The following CDH4 variants were observed in gnomAD, a reference collection of about 807,000 sequenced individuals.
CDH4 encodes cadherin 4, also known as cadherin-4.
Under a neutral mutation model 86.0 loss-of-function variants are expected in CDH4, and 33 were observed. That is an observed-to-expected ratio of 0.38 (90% confidence interval 0.29 to 0.51). CDH4 has a LOEUF of 0.51. Among genes scored for constraint, CDH4 ranks in the 20% least tolerant of loss-of-function variants. The pLI, the probability that CDH4 is intolerant of heterozygous loss-of-function variation, is 0.86. For synonymous variants in CDH4, 555 were observed against 549.4 expected, an observed-to-expected ratio of 1.01 and a Z score of -0.14; for missense variants, 1,114 against 1,307.4, an observed-to-expected ratio of 0.85 and a Z score of 2.28.
chr20:61,448,057 A>G (rs539417022), intron 2 of CDH4, among the ~76,000 whole-genome samples: 5 of 152,160 alleles, frequency 3.3e-5, no homozygotes, highest in Non-Finnish European at 5.9e-5. Flanking sequence ...TTCTATGCTG[A>G]TTTCCATACC....
Position 61,934,104 on chromosome 20 carries a change from C to T in CDH4, c.2428C>T (p.Pro810Ser). Reference protein sequence around the residue: ...LQQPEAMGHVPSKAPGVRRVD... With the variant: ...LQQPEAMGHVSSKAPGVRRVD... ...GCAGCCGGAAGCCATGGGGCACGTGCCAAGCAAAGCCCCTGGCGTGCGTCG... is the reference window on the plus strand; with the variant it reads ...GCAGCCGGAAGCCATGGGGCACGTGTCAAGCAAAGCCCCTGGCGTGCGTCG... The change falls in exon 15 of 16, where the codon CCA becomes TCA. Residue 810 changes from proline (P) to serine (S), a missense_variant. Transcript: ENST00000614565. 1.2e-6 allele frequency: 2 copies of T among 1,611,484 alleles called. No individual in the cohort carries two copies. The highest frequency in any genetic ancestry group is 1.7e-6 in the Non-Finnish European group (2 of 1,179,820).
At chr20:61,682,305 G>A (rs2087524137) in intron 2 of CDH4, among the ~76,000 whole-genome samples, 1 of 151,520 alleles carries the variant, frequency 6.6e-6, no homozygotes, top group Admixed American at 6.6e-5. Flanking sequence ...TGGACAAAGG[G>A]ACAGATGGAA....
At chr20:61,365,007 A>G (rs1229479040) in intron 2 of CDH4, among the ~76,000 whole-genome samples, 1 of 152,226 alleles carries the variant, frequency 6.6e-6, no homozygotes, top group Non-Finnish European at 1.5e-5. Flanking sequence ...CCACTGCCCT[A>G]GACCACATGT....
intron 2 of CDH4, among the ~76,000 whole-genome samples, chr20:61,621,699 T>C (rs2086779492): frequency 6.6e-6 from 1 of 152,258 alleles, no homozygotes; most frequent in African/African-American, 2.4e-5. Flanking sequence ...GGCTAGTTTA[T>C]AGTTCAAGGT....
At chr20:61,702,796 G>A (rs1267744633) in intron 2 of CDH4, among the ~76,000 whole-genome samples, 2 of 152,184 alleles carry the variant, frequency 1.3e-5, no homozygotes, top group African/African-American at 4.8e-5. Context: ...TTTTTCCAAA[G>A]TACTTTGAAG....
At chr20:61,368,552 T>A (rs1194596391) in intron 2 of CDH4, among the ~76,000 whole-genome samples, 1 of 152,164 alleles carries the variant, frequency 6.6e-6, no homozygotes, top group African/African-American at 2.4e-5. Flanking sequence ...GGTAATTTTT[T>A]TTTTTTTGAG....
intron 2 of CDH4, among the ~76,000 whole-genome samples, chr20:61,268,794 G>A (rs2084169461): frequency 6.6e-6 from 1 of 152,190 alleles, no homozygotes; most frequent in South Asian, 2.1e-4. Context: ...CTCCCCAGAA[G>A]CAGATGCCAG....
intron 2 of CDH4, among the ~76,000 whole-genome samples, chr20:61,350,513 G>C: frequency 8.6e-6 from 1 of 116,262 alleles, no homozygotes; most frequent in Non-Finnish European, 1.7e-5. Context: ...CCCCAGTGCT[G>C]CAGAGGCCAG....
rs751297571 is a variant in CDH4 at position 61,928,365 on chromosome 20, C to T, written c.1947C>T (p.Phe649=). 7.6e-5 allele frequency: 122 copies of T among 1,611,778 alleles called. No homozygotes were observed. Among genetic ancestry groups the T allele is most frequent in the Non-Finnish European group, 9.0e-5 (106 of 1,180,000 alleles). ...DVDPNIGPYV[F]ELPFVPAAVR... ...ACCCCAACATCGGCCCCTACGTCTT[C>T]GAGCTGCCCTTTGTCCCGGCGGCCG... The change falls in exon 12 of 16, where the codon TTC becomes TTT. Residue 649 remains phenylalanine (F), a synonymous_variant. Transcript: ENST00000614565.
chr20:61,463,878 A>G (rs1398093497), intron 2 of CDH4, among the ~76,000 whole-genome samples: 1 of 152,290 alleles, frequency 6.6e-6, no homozygotes, highest in East Asian at 1.9e-4. Flanking sequence ...GGGATCAGGG[A>G]GGTCAGGGGC....
chr20:61,303,182 G>A (rs1485360556), intron 2 of CDH4, among the ~76,000 whole-genome samples: 2 of 152,228 alleles, frequency 1.3e-5, no homozygotes, highest in African/African-American at 2.4e-5. Context: ...CCCTTCCTAT[G>A]CCTGTTCTCT....
At chr20:61,808,753 G>A (rs999087886) in intron 4 of CDH4, among the ~76,000 whole-genome samples, 21 of 152,228 alleles carry the variant, frequency 1.4e-4, no homozygotes, top group African/African-American at 4.3e-4. Flanking sequence ...CAGTCCAGGC[G>A]CTGGCCAAGG....
At chr20:61,512,195 T>C (rs1472902488) in intron 2 of CDH4, among the ~76,000 whole-genome samples, 2 of 152,058 alleles carry the variant, frequency 1.3e-5, no homozygotes, top group African/African-American at 4.8e-5. Context: ...GGTCCATGGA[T>C]CCTGAACGCT....
At chr20:61,841,274 C>T (rs1450519798) in intron 4 of CDH4, among the ~76,000 whole-genome samples, 3 of 152,214 alleles carry the variant, frequency 2.0e-5, no homozygotes, top group South Asian at 2.1e-4. Context: ...CGCTCCCGGA[C>T]GGCGGGGCTG....
chr20:61,600,415 C>T (rs2086590926), intron 2 of CDH4, among the ~76,000 whole-genome samples: 1 of 152,200 alleles, frequency 6.6e-6, no homozygotes, highest in African/African-American at 2.4e-5. Flanking sequence ...CAGGGTCCTT[C>T]GGGGTCCTGG....
chr20:61,822,025 T>G (rs1260713230), intron 4 of CDH4, among the ~76,000 whole-genome samples: 2 of 152,262 alleles, frequency 1.3e-5, no homozygotes, highest in Non-Finnish European at 2.9e-5. Context: ...AAGTGATTTT[T>G]GGCTTGGATA....
In CDH4 at chr20:61,825,853, C is replaced by T. The variant is rs1407551082; in HGVS notation, c.577-18815C>T. ...TGGGCTTCCCCAAAGTTAATGGCAG[C>T]TCTGCCCTCCTGCTGCTCTACTCAG... On this transcript the variant is annotated intron_variant, in intron 4 of 15. Transcript: ENST00000614565. Among the ~76,000 whole-genome samples the T allele has an allele frequency of 2.0e-5, 3 of 152,370 alleles. No homozygotes were observed. In the East Asian group the frequency reaches 5.8e-4, roughly 29 times the overall value.
At chr20:61,916,265 A>T (rs920326613) in intron 9 of CDH4, among the ~76,000 whole-genome samples, 2 of 152,034 alleles carry the variant, frequency 1.3e-5, no homozygotes, top group East Asian at 3.9e-4. Context: ...CCCACAGGAG[A>T]TGTCCAGTAT....
chr20:61,551,175 A>G (rs1442450300), intron 2 of CDH4, among the ~76,000 whole-genome samples: 1 of 152,048 alleles, frequency 6.6e-6, no homozygotes, highest in Non-Finnish European at 1.5e-5. Flanking sequence ...TGGGCACTCA[A>G]TAATCAGTAG....
Sources: allele counts gnomAD v4.1 joint callset (sites outside exome capture counted in the v4.1 genomes callset), GRCh38; gene constraint gnomAD v4.1.1; transcripts MANE v1.5; gene names NCBI Gene and HGNC (gene_info 2026-07-23, HGNC 2026-07-21).